GFRA1: variants seen among roughly 807,000 people sequenced by gnomAD.
GFRA1 encodes the protein GDNF family receptor alpha 1, also known as GDNF family receptor alpha-1.
In GFRA1, 16 loss-of-function variants were observed where a neutral mutation model predicts 51.6. That is an observed-to-expected ratio of 0.31 (90% CI 0.21 to 0.47). GFRA1 has a LOEUF of 0.47. GFRA1 is among the 20% of genes least tolerant of loss of function. GFRA1 has a pLI of 1.00. For synonymous variants in GFRA1, 270 were observed against 241.3 expected (o/e 1.12, Z -1.10); for missense variants, 530 against 594.3 (o/e 0.89, Z 1.13).
intron 7 of GFRA1, among the ~76,000 whole-genome samples, chr10:116,094,423 G>A (rs767073988): frequency 6.6e-6 from 1 of 152,098 alleles, no homozygotes; most frequent in Non-Finnish European, 1.5e-5. Context: ...CTAAGTCAAC[G>A]GCTCCTAGAG....
At chr10:116,167,533 T>C (rs1960593497) in intron 5 of GFRA1, among the ~76,000 whole-genome samples, 1 of 152,190 alleles carries the variant, frequency 6.6e-6, no homozygotes, top group Admixed American at 6.5e-5. Flanking sequence ...GTCTGCAGAA[T>C]GCTGAATGAG....
In GFRA1 at chr10:116,064,372, G is replaced by T. The variant is rs745621946; in HGVS notation, c.*26C>A. 2 of 1,601,382 alleles carry T rather than the reference G, an allele frequency of 1.2e-6. No individual in the cohort carries two copies. The highest frequency in any genetic ancestry group is 1.7e-6 in the Non-Finnish European group (2 of 1,171,046). On this transcript the variant is annotated 3_prime_UTR_variant, in exon 11 of 11. Transcript: ENST00000355422. The stretch of plus-strand genomic sequence containing the variant: ...TAACTTGGTTTTTGTCTTTTTACAT[G>T]TCCATATTGTATTTTTTTAATGCAG...
intron 4 of GFRA1, among the ~76,000 whole-genome samples, chr10:116,243,951 A>G (rs1434571901): frequency 6.6e-6 from 1 of 152,206 alleles, no homozygotes; most frequent in Non-Finnish European, 1.5e-5. Flanking sequence ...ATATTCCTCC[A>G]TGGAGTGAGG....
At chr10:116,086,481 T>C (rs1956105167) in intron 9 of GFRA1, among the ~76,000 whole-genome samples, 1 of 152,244 alleles carries the variant, frequency 6.6e-6, no homozygotes, top group African/African-American at 2.4e-5. Context: ...GTTAGCATGC[T>C]TGCAGAGGCC....
chr10:116,102,126 A>G (rs541212883), intron 6 of GFRA1, among the ~76,000 whole-genome samples: 163 of 152,338 alleles, frequency 1.1e-3, no homozygotes, highest in African/African-American at 3.8e-3. Context: ...TCAGAGTCAC[A>G]TGGCAGGTGG....
chr10:116,139,211 C>T (rs1472569837), intron 5 of GFRA1, among the ~76,000 whole-genome samples: 1 of 152,166 alleles, frequency 6.6e-6, no homozygotes, highest in African/African-American at 2.4e-5. Context: ...TTTGCCATTA[C>T]TTTTGCACCA....
Position 116,159,694 on chromosome 10 carries a change from TGGACAA to T in GFRA1, c.434-34143_434-34138del, listed in dbSNP as rs547197069. Among the ~76,000 whole-genome samples, 163 of 152,226 alleles carry T rather than the reference TGGACAA, an allele frequency of 1.1e-3. 2 individuals are homozygous for T. The highest frequency in any genetic ancestry group is 3.8e-3 in the African/African-American group (156 of 41,558). The stretch of plus-strand genomic sequence containing the variant: ...CTTTTGTTAGGTTCACAGCCCACCA[TGGACAA>T]GTGAAGTGGGAGACTGCGGCTGCAC... On this transcript the variant is annotated intron_variant, in intron 5 of 10. Coordinates refer to ENST00000355422, the MANE Select transcript of GFRA1 (RefSeq NM_005264.8).
intron 6 of GFRA1, among the ~76,000 whole-genome samples, chr10:116,105,681 A>G (rs540176289): frequency 2.6e-5 from 4 of 152,332 alleles, no homozygotes; most frequent in African/African-American, 9.6e-5. Flanking sequence ...AAATGTACAC[A>G]TGCCCCTGGC....
intron 4 of GFRA1, among the ~76,000 whole-genome samples, chr10:116,215,832 A>G (rs914267267): frequency 3.9e-5 from 6 of 152,226 alleles, no homozygotes; most frequent in Admixed American, 3.9e-4. Context: ...CCCAACCCCA[A>G]TCATTCACAT....
At chr10:116,259,779 C>G (rs1207968807) in intron 4 of GFRA1, among the ~76,000 whole-genome samples, 2 of 152,184 alleles carry the variant, frequency 1.3e-5, no homozygotes, top group Non-Finnish European at 2.9e-5. Flanking sequence ...AGAAGTGAAT[C>G]TAAGCTCTTC....
At chr10:116,238,759 T>C (rs1967108694) in intron 4 of GFRA1, among the ~76,000 whole-genome samples, 1 of 152,220 alleles carries the variant, frequency 6.6e-6, no homozygotes, top group Non-Finnish European at 1.5e-5. Flanking sequence ...TTAAATCTCT[T>C]CTTCCGTGTT....
At chr10:116,100,916 CGA>C (rs1393326403) in intron 6 of GFRA1, among the ~76,000 whole-genome samples, 2 of 152,014 alleles carry the variant, frequency 1.3e-5, no homozygotes, top group Admixed American at 1.3e-4. Flanking sequence ...AGAACAGAAT[CGA>C]GAGGAGGACA....
At chr10:116,151,852 T>C (rs1959076700) in intron 5 of GFRA1, among the ~76,000 whole-genome samples, 1 of 152,080 alleles carries the variant, frequency 6.6e-6, no homozygotes, top group Admixed American at 6.6e-5. Flanking sequence ...AACAAGCAAA[T>C]AAATGAACAA....
At chr10:116,263,804 T>A (rs754611379) in intron 4 of GFRA1, among the ~76,000 whole-genome samples, 9 of 152,068 alleles carry the variant, frequency 5.9e-5, no homozygotes, top group Non-Finnish European at 1.3e-4. Context: ...GACAGTTACA[T>A]CCATGATGTG....
chr10:116,264,228 C>A (rs1969491739), intron 4 of GFRA1, among the ~76,000 whole-genome samples: 1 of 152,110 alleles, frequency 6.6e-6, no homozygotes, highest in Non-Finnish European at 1.5e-5. Flanking sequence ...ACTGGCTCCC[C>A]CTACACCAGT....
chr10:116,245,835 T>C (rs1967821464), intron 4 of GFRA1, among the ~76,000 whole-genome samples: 1 of 152,190 alleles, frequency 6.6e-6, no homozygotes, highest in Non-Finnish European at 1.5e-5. Flanking sequence ...AACCAGTCTG[T>C]AGGGTTCTAT....
At chr10:116,212,716 G>T (rs1002273361) in intron 4 of GFRA1, among the ~76,000 whole-genome samples, 1 of 152,104 alleles carries the variant, frequency 6.6e-6, no homozygotes, top group African/African-American at 2.4e-5. Flanking sequence ...TGTAGCACAC[G>T]GTAGCTCATT....
intron 5 of GFRA1, among the ~76,000 whole-genome samples, chr10:116,156,143 A>T (rs1449618550): frequency 6.6e-6 from 1 of 152,244 alleles, no homozygotes; most frequent in Non-Finnish European, 1.5e-5. Flanking sequence ...GAACAGAGCC[A>T]TCACTTTCTG....
intron 4 of GFRA1, among the ~76,000 whole-genome samples, chr10:116,239,583 G>A (rs1016333516): frequency 2.0e-5 from 3 of 152,096 alleles, no homozygotes; most frequent in Non-Finnish European, 2.9e-5. Context: ...AGATAAGAAC[G>A]TAACTTAACA....
Sources: gnomAD v4.1 joint callset for allele counts (sites outside exome capture counted in the v4.1 genomes callset) on GRCh38, gnomAD v4.1.1 for gene constraint, MANE v1.5 for transcripts, NCBI Gene and HGNC (gene_info 2026-07-23, HGNC 2026-07-21) for gene names.